Variants in SULF1 observed in about 807,000 individuals in gnomAD.
The protein encoded by SULF1 is extracellular sulfatase Sulf-1.
Under a neutral mutation model 110.5 loss-of-function variants are expected in SULF1, and 46 were observed. The ratio of observed to expected loss-of-function variants is 0.42; its 90% CI spans 0.33 to 0.53. The LOEUF is 0.53. Ranked by LOEUF, SULF1 falls within the 20% of genes least tolerant of loss-of-function variation. SULF1 has a pLI of 0.12. For synonymous variants in SULF1, 371 were observed against 387.1 expected (o/e 0.96, Z 0.49); for missense variants, 941 against 1,094.2 (o/e 0.86, Z 1.98).
Position 69,654,121 on chromosome 8 carries a change from C to CA in SULF1, c.2586-4382dup, listed in dbSNP as rs545689821. Among the ~76,000 whole-genome samples the CA allele has an allele frequency of 4.6e-5, 7 of 152,258 alleles. No individual in the cohort carries two copies. In the South Asian group the frequency reaches 1.5e-3, roughly 32 times the overall value. On this transcript the variant is annotated intron_variant, in intron 22 of 22. Coordinates refer to ENST00000402687, the MANE Select transcript of SULF1 (RefSeq NM_001128205.2). ...AGTCTGGTATAATGGAGCTAAGAGA[C>CA]AATGTCATCTCCTGTTCTGAGCCTT...
chr8:69,506,948 A>G (rs1180960951), intron 3 of SULF1, among the ~76,000 whole-genome samples: 1 of 152,198 alleles, frequency 6.6e-6, no homozygotes, highest in Non-Finnish European at 1.5e-5. Flanking sequence ...AGTTGGTATG[A>G]GACATTACTT....
intron 14 of SULF1, among the ~76,000 whole-genome samples, chr8:69,621,943 T>G (rs916157046): frequency 1.3e-5 from 2 of 152,264 alleles, no homozygotes; most frequent in Non-Finnish European, 2.9e-5. Context: ...TTATGGTGAT[T>G]TCTTTCTATA....
chr8:69,538,031 G>C (rs1307900352), intron 3 of SULF1, among the ~76,000 whole-genome samples: 1 of 151,012 alleles, frequency 6.6e-6, no homozygotes. Flanking sequence ...CGCCATCTCG[G>C]CTCACTGCAG....
At chr8:69,581,263 T>C (rs772307564) in intron 6 of SULF1, among the ~76,000 whole-genome samples, 1 of 152,248 alleles carries the variant, frequency 6.6e-6, no homozygotes, top group Non-Finnish European at 1.5e-5. Flanking sequence ...TGGATTAAAA[T>C]CTCAATATAT....
Position 69,658,860 on chromosome 8 carries a change from C to A in SULF1, c.*325C>A, listed in dbSNP as rs1271240276. 3.7e-6 allele frequency: 2 copies of A among 537,950 alleles called. No homozygotes were observed. The highest frequency in any genetic ancestry group is 9.2e-5 in the East Asian group (2 of 21,698). The allele number at this position is 537,950 out of a possible 1,614,324, so 33.3% of individuals were successfully genotyped here. A position where few individuals can be genotyped will look rare whatever the true frequency, so the allele number is the denominator to read the frequency against. On this transcript the variant is annotated 3_prime_UTR_variant, in exon 23 of 23. Coordinates refer to ENST00000402687, the MANE Select transcript of SULF1 (RefSeq NM_001128205.2). ...CACCTCATTTGACCTTGCCAGCTGACCTTCAAACCCTGCATTTGAACCGAC... is the reference window on the plus strand; with the variant it reads ...CACCTCATTTGACCTTGCCAGCTGAACTTCAAACCCTGCATTTGAACCGAC...
At chr8:69,594,802 T>C (rs532040388) in intron 8 of SULF1, among the ~76,000 whole-genome samples, 1 of 152,330 alleles carries the variant, frequency 6.6e-6, no homozygotes, top group South Asian at 2.1e-4. Context: ...TTACTACTTA[T>C]ACTGTCAGTG....
chr8:69,529,809 G>A (rs185302260), intron 3 of SULF1, among the ~76,000 whole-genome samples: 2 of 152,292 alleles, frequency 1.3e-5, no homozygotes, highest in African/African-American at 2.4e-5. Flanking sequence ...GGTGATCTGA[G>A]AGAACAAGGC....
chr8:69,531,517 G>A lies in SULF1; in HGVS notation c.-134+29549G>A, dbSNP rs574160446. On this transcript the variant is annotated intron_variant, in intron 3 of 22. Coordinates refer to ENST00000402687, the MANE Select transcript of SULF1 (RefSeq NM_001128205.2). The stretch of plus-strand genomic sequence containing the variant: ...GGTGGAGAAAAAAATAAATCATTTC[G>A]AATTTTTTAATATCATGTTATTTCC... 3.7e-3 allele frequency among the ~76,000 whole-genome samples: 570 copies of A among 152,098 alleles called. 2 individuals carry two copies. The highest frequency in any genetic ancestry group is 5.9e-3 in the Non-Finnish European group (403 of 67,976).
intron 14 of SULF1, among the ~76,000 whole-genome samples, chr8:69,621,489 CA>C (rs1443443912): frequency 6.6e-6 from 1 of 152,148 alleles, no homozygotes; most frequent in African/African-American, 2.4e-5. Flanking sequence ...GCACCAGATG[CA>C]AAACATATGC....
chr8:69,521,296 A>C (rs1406430755), intron 3 of SULF1, among the ~76,000 whole-genome samples: 1 of 152,220 alleles, frequency 6.6e-6, no homozygotes, highest in African/African-American at 2.4e-5. Flanking sequence ...AAATAATTAG[A>C]GATCCCAACT....
chr8:69,623,271 T>C (rs920483100), intron 14 of SULF1, among the ~76,000 whole-genome samples: 3 of 152,168 alleles, frequency 2.0e-5, no homozygotes, highest in African/African-American at 7.2e-5. Context: ...TCTAGAGCAT[T>C]TGCCTCTTTG....
intron 8 of SULF1, among the ~76,000 whole-genome samples, chr8:69,594,285 A>C (rs1807138969): frequency 6.6e-6 from 1 of 152,150 alleles, no homozygotes. Flanking sequence ...TCCTGACCTC[A>C]GGTGATCCGC....
At chr8:69,541,732 A>G (rs1306944093) in intron 3 of SULF1, among the ~76,000 whole-genome samples, 1 of 152,208 alleles carries the variant, frequency 6.6e-6, no homozygotes, top group African/African-American at 2.4e-5. Context: ...TTTGTTAGGG[A>G]CAGGAAGCCA....
intron 3 of SULF1, among the ~76,000 whole-genome samples, chr8:69,522,103 T>C (rs575483831): frequency 6.6e-6 from 1 of 150,942 alleles, no homozygotes; most frequent in African/African-American, 2.4e-5. Context: ...CAGGCTGGAG[T>C]GCAGTGGAAT....
At chr8:69,533,974 A>G (rs1157026794) in intron 3 of SULF1, among the ~76,000 whole-genome samples, 1 of 152,256 alleles carries the variant, frequency 6.6e-6, no homozygotes, top group Non-Finnish European at 1.5e-5. Flanking sequence ...TGCTAAAGTC[A>G]ACTATTTTTC....
At chr8:69,590,064 C>T (rs1806778982) in intron 8 of SULF1, among the ~76,000 whole-genome samples, 1 of 152,134 alleles carries the variant, frequency 6.6e-6, no homozygotes, top group Admixed American at 6.6e-5. Context: ...TGGTTATTAG[C>T]CAAGATTCCA....
intron 3 of SULF1, among the ~76,000 whole-genome samples, chr8:69,511,261 T>C (rs1169765167): frequency 6.6e-6 from 1 of 152,254 alleles, no homozygotes. Context: ...TTTTTAATTT[T>C]CTAATTTTTG....
chr8:69,549,094 T>G (rs542736091), intron 3 of SULF1, among the ~76,000 whole-genome samples: 14 of 152,290 alleles, frequency 9.2e-5, no homozygotes, highest in Admixed American at 9.2e-4. Context: ...GCAGATGTTT[T>G]GAACAGCACT....
Position 69,603,046 on chromosome 8 carries a change from T to C in SULF1, c.1062-146T>C. On this transcript the variant is annotated intron_variant, in intron 10 of 22. Coordinates refer to ENST00000402687, the MANE Select transcript of SULF1 (RefSeq NM_001128205.2). ...ATTGCTGTGATCACACACCCACCCT[T>C]GCCACACAACTACCCATGCCTAGGA... The C allele has an allele frequency of 2.6e-6, 3 of 1,134,146 alleles. No individual in the cohort carries two copies. In the South Asian group the frequency reaches 4.2e-5, roughly 16 times the overall value. 70.3% of individuals were successfully genotyped at this position (1,134,146 alleles called of 1,614,324 possible).
Sources: gnomAD v4.1 joint callset for allele counts (sites outside exome capture counted in the v4.1 genomes callset) on GRCh38, gnomAD v4.1.1 for gene constraint, MANE v1.5 for transcripts, NCBI Gene and HGNC (gene_info 2026-07-23, HGNC 2026-07-21) for gene names.